ITPR1: variants seen among roughly 807,000 people sequenced by gnomAD.
The protein encoded by ITPR1 is inositol 1,4,5-trisphosphate receptor type 1.
Under a neutral mutation model 318.4 loss-of-function variants are expected in ITPR1, and 96 were observed. The observed-to-expected ratio is 0.30, with a 90% CI of 0.26 to 0.36. The LOEUF (loss-of-function observed/expected upper bound fraction) is 0.36, where lower values mean the gene tolerates loss of function less well. ITPR1 is among the 10% of genes least tolerant of loss of function. ITPR1 has a pLI of 1.00. For missense variants in ITPR1, 2,440 were observed against 3,460.2 expected, an observed-to-expected ratio of 0.71 and a Z score of 7.40; for synonymous variants, 1,312 against 1,289.9, an observed-to-expected ratio of 1.02 and a Z score of -0.37.
chr3:4,821,779 A>C (rs751751806), intron 60 of ITPR1, among the ~76,000 whole-genome samples: 5 of 152,220 alleles, frequency 3.3e-5, no homozygotes, highest in South Asian at 2.1e-4. Context: ...CTGTAGATAG[A>C]AACAGTGTGT....
chr3:4,562,874 C>T (rs991188051), intron 4 of ITPR1, among the ~76,000 whole-genome samples: 8 of 140,794 alleles, frequency 5.7e-5, no homozygotes, highest in Admixed American at 4.6e-4. Flanking sequence ...GCAAACAATA[C>T]GTAATGAACA....
At chr3:4,703,700 G>T (rs1442950421) in intron 36 of ITPR1, among the ~76,000 whole-genome samples, 1 of 152,174 alleles carries the variant, frequency 6.6e-6, no homozygotes, top group Non-Finnish European at 1.5e-5. Flanking sequence ...AATTGTGTAG[G>T]TAAGATATCA....
chr3:4,835,635 A>G (rs2050851229), intron 60 of ITPR1, among the ~76,000 whole-genome samples: 1 of 152,176 alleles, frequency 6.6e-6, no homozygotes. Context: ...TACAAGATAA[A>G]ACTGGTCCAG....
intron 30 of ITPR1, 70 bp from the exon 31 acceptor site, chr3:4,688,425 G>C: frequency 1.3e-6 from 2 of 1,581,006 alleles, no homozygotes; most frequent in South Asian, 1.1e-5. Context: ...TTAGCAGGAG[G>C]TGTTGGGTAT....
At chr3:4,774,665 G>A (rs533456206) in intron 46 of ITPR1, among the ~76,000 whole-genome samples, 8 of 152,260 alleles carry the variant, frequency 5.3e-5, no homozygotes, top group Non-Finnish European at 8.8e-5. Flanking sequence ...CACCTGCTCA[G>A]GCACATGCAC....
intron 4 of ITPR1, among the ~76,000 whole-genome samples, chr3:4,580,088 T>C (rs1464359100): frequency 3.3e-5 from 5 of 151,992 alleles, no homozygotes; most frequent in African/African-American, 1.2e-4. Flanking sequence ...CAGGAGCCTG[T>C]AGTCCCAGCT....
intron 4 of ITPR1, among the ~76,000 whole-genome samples, chr3:4,584,762 C>G (rs1240081084): frequency 2.0e-5 from 3 of 151,922 alleles, no homozygotes; most frequent in African/African-American, 7.2e-5. Flanking sequence ...CCAGCCCTGC[C>G]TGTCACAGAA....
chr3:4,748,094 A>G lies in ITPR1; in HGVS notation c.5544+12740A>G, dbSNP rs527700978. 1.2e-3 allele frequency among the ~76,000 whole-genome samples: 178 copies of G among 152,364 alleles called. 1 individual carries two copies. Among genetic ancestry groups the G allele is most frequent in the African/African-American group, 4.2e-3 (173 of 41,584 alleles). ...CCAGTAGGTACTCTATCTGGGCTAC[A>G]TGGAATAGTCCCAATTGCAGATGAG... is the stretch of plus-strand genomic sequence containing the variant. On this transcript the variant is annotated intron_variant, in intron 44 of 61. Coordinates refer to ENST00000649015, the MANE Select transcript of ITPR1 (RefSeq NM_001378452.1).
rs552612044 is a variant in ITPR1, at chr3:4,708,163, G to A, written c.4842+1812G>A. Among the ~76,000 whole-genome samples, 12 of 152,280 alleles carry A rather than the reference G, an allele frequency of 7.9e-5. No individual in the cohort carries two copies. The South Asian group carries it at 2.5e-3, about 32-fold the overall frequency. Reference sequence around the variant, plus strand: ...AACAGCAGGACTTAAAGAATAAAAGGGAGGGAAACAGCATGTGTAAAGACC... The same window carrying A: ...AACAGCAGGACTTAAAGAATAAAAGAGAGGGAAACAGCATGTGTAAAGACC... On this transcript the variant is annotated intron_variant, in intron 37 of 61. Coordinates refer to ENST00000649015, the MANE Select transcript of ITPR1 (RefSeq NM_001378452.1).
chr3:4,499,246 C>G (rs940497540), intron 2 of ITPR1, among the ~76,000 whole-genome samples: 12 of 152,122 alleles, frequency 7.9e-5, no homozygotes, highest in Non-Finnish European at 1.3e-4. Flanking sequence ...CAAAACAATT[C>G]AACTATTAGA....
At chr3:4,697,020 G>C (rs1395674446) in intron 33 of ITPR1, 127 bp from the exon 34 acceptor site, 2 of 695,734 alleles carry the variant, frequency 2.9e-6, no homozygotes, top group Non-Finnish European at 4.7e-6. Flanking sequence ...GAAAATCATA[G>C]AAGTAAGACT....
chr3:4,569,781 G>T (rs2087786788), intron 4 of ITPR1, among the ~76,000 whole-genome samples: 1 of 152,188 alleles, frequency 6.6e-6, no homozygotes, highest in South Asian at 2.1e-4. Context: ...TTAGAAATCA[G>T]TCCTTAACCT....
At chr3:4,688,299 C>A (rs955381460) in intron 30 of ITPR1, among the ~76,000 whole-genome samples, 196 bp from the exon 31 acceptor site, 3 of 152,162 alleles carry the variant, frequency 2.0e-5, no homozygotes, top group Non-Finnish European at 4.4e-5. Context: ...CAAATAAGAT[C>A]TTCACTTTCA....
chr3:4,622,814 C>G (rs1423075236), intron 4 of ITPR1, among the ~76,000 whole-genome samples: 2 of 152,224 alleles, frequency 1.3e-5, no homozygotes, highest in African/African-American at 4.8e-5. Context: ...TTCTGGAGCA[C>G]TGGGGATTGT....
chr3:4,624,861 G>C (rs116825826), intron 4 of ITPR1, among the ~76,000 whole-genome samples: 1,793 of 152,196 alleles, frequency 0.012, 37 homozygotes, highest in African/African-American at 0.041. Flanking sequence ...TATTCATGGA[G>C]TGAATGGAGA....
chr3:4,833,425 C>G (rs913630618), intron 60 of ITPR1, among the ~76,000 whole-genome samples: 1 of 152,170 alleles, frequency 6.6e-6, no homozygotes, highest in African/African-American at 2.4e-5. Flanking sequence ...AGAAGGTTTG[C>G]TAAGCAAATG....
chr3:4,652,663 G>A (rs2093622457), intron 11 of ITPR1, among the ~76,000 whole-genome samples: 4 of 152,166 alleles, frequency 2.6e-5, no homozygotes, highest in Admixed American at 2.6e-4. Context: ...TAGTGGAATA[G>A]ACAGTGGCTT....
intron 44 of ITPR1, among the ~76,000 whole-genome samples, chr3:4,736,883 GA>G (rs1012013987): frequency 6.6e-6 from 1 of 152,222 alleles, no homozygotes; most frequent in African/African-American, 2.4e-5. Context: ...CAGGGGCGAT[GA>G]TGGGGCAGTG....
intron 2 of ITPR1, among the ~76,000 whole-genome samples, chr3:4,499,142 C>A (rs968537909): frequency 6.6e-6 from 1 of 152,028 alleles, no homozygotes; most frequent in Non-Finnish European, 1.5e-5. Context: ...CCAGCAAGAC[C>A]CCATCTCTGT....
Sources: gnomAD v4.1 joint callset for allele counts (sites outside exome capture counted in the v4.1 genomes callset) on GRCh38, gnomAD v4.1.1 for gene constraint, MANE v1.5 for transcripts, NCBI Gene and HGNC (gene_info 2026-07-23, HGNC 2026-07-21) for gene names.